Variants in RANBP3L observed in about 807,000 individuals in gnomAD.
RANBP3L encodes ran-binding protein 3-like.
RANBP3L carries 56 observed loss-of-function variants against 67.2 expected under a neutral mutation model. The observed-to-expected ratio is 0.83, with a 90% confidence interval of 0.67 to 1.04. RANBP3L has a LOEUF of 1.04. Ranked by LOEUF, RANBP3L falls within the 50% of genes least tolerant of loss-of-function variation. The pLI is 0.00. For synonymous variants in RANBP3L, 164 were observed against 181.4 expected (o/e 0.90, Z 0.77); for missense variants, 496 against 535.5 (o/e 0.93, Z 0.73).
chr5:36,277,418 C>CTA (rs1282657261), intron 1 of RANBP3L, among the ~76,000 whole-genome samples: 41 of 75,360 alleles, frequency 5.4e-4, no homozygotes, highest in Admixed American at 1.1e-3. Flanking sequence ...CTCTCTCTCT[C>CTA]TCTCTATATA....
At chr5:36,271,430 G>A (rs1750206984) in intron 1 of RANBP3L, 119 bp from the exon 2 acceptor site, 3 of 665,042 alleles carry the variant, frequency 4.5e-6, no homozygotes, top group Non-Finnish European at 8.0e-6. Context: ...TTGGGTAAAA[G>A]CCAAGCTATT....
At chr5:36,280,457 T>C (rs1445677165) in intron 1 of RANBP3L, among the ~76,000 whole-genome samples, 1 of 152,090 alleles carries the variant, frequency 6.6e-6, no homozygotes. Context: ...TGAAGAAAAA[T>C]TCTTCTCATT....
chr5:36,253,531 G>A, intron 12 of RANBP3L, 116 bp downstream of exon 12: 1 of 755,570 alleles, frequency 1.3e-6, no homozygotes, highest in South Asian at 1.8e-5. Context: ...CATAATGAAT[G>A]GCTGAGTTTT....
At chr5:36,271,348 A>G (rs754434918) in intron 1 of RANBP3L, 37 bp from the exon 2 acceptor site, 3 of 1,265,356 alleles carry the variant, frequency 2.4e-6, no homozygotes, top group Non-Finnish European at 3.4e-6. Flanking sequence ...AAATCAAAGC[A>G]TACTCTGACA....
intron 1 of RANBP3L, among the ~76,000 whole-genome samples, chr5:36,286,026 T>C (rs958928650): frequency 2.6e-5 from 4 of 152,208 alleles, no homozygotes; most frequent in African/African-American, 7.2e-5. Context: ...ACTGGCTGAC[T>C]ACACAGAATA....
intron 1 of RANBP3L, among the ~76,000 whole-genome samples, chr5:36,280,664 G>A (rs28568951): frequency 0.015 from 2,349 of 152,196 alleles, 102 homozygotes; most frequent in East Asian, 0.15. Flanking sequence ...TGATCATCAC[G>A]TGCAGTGCTA....
intron 1 of RANBP3L, among the ~76,000 whole-genome samples, chr5:36,275,020 T>G (rs368515850): frequency 1.6e-4 from 24 of 152,200 alleles, no homozygotes; most frequent in East Asian, 7.7e-4. Context: ...TGTTTTGAGA[T>G]TCATGTAGCA....
At chr5:36,297,734 T>C (rs1752327970) in intron 1 of RANBP3L, among the ~76,000 whole-genome samples, 2 of 152,146 alleles carry the variant, frequency 1.3e-5, no homozygotes, top group African/African-American at 4.8e-5. Flanking sequence ...AGCAACAAGT[T>C]GGGAGATGAG....
At chr5:36,293,387 C>T (rs1252416745) in intron 1 of RANBP3L, among the ~76,000 whole-genome samples, 5 of 140,592 alleles carry the variant, frequency 3.6e-5, no homozygotes, top group African/African-American at 5.3e-5. Flanking sequence ...ATTGAATACC[C>T]TTTATTTCCT....
intron 8 of RANBP3L, among the ~76,000 whole-genome samples, chr5:36,260,504 A>G (rs1749303244): frequency 6.6e-6 from 1 of 152,096 alleles, no homozygotes; most frequent in Non-Finnish European, 1.5e-5. Flanking sequence ...TTCCTTGGGT[A>G]CTTTTGGTTT....
chr5:36,255,692 A>T (rs116392072), intron 10 of RANBP3L, 102 bp from the exon 11 acceptor site: 1 of 653,420 alleles, frequency 1.5e-6, no homozygotes, highest in Non-Finnish European at 2.5e-6. Flanking sequence ...TCTTTTACCA[A>T]AATAATCTTT....
chr5:36,281,189 T>A (rs886629801), intron 1 of RANBP3L, among the ~76,000 whole-genome samples: 6 of 152,088 alleles, frequency 3.9e-5, no homozygotes, highest in Admixed American at 2.6e-4. Flanking sequence ...AACCCTAGAG[T>A]CCAGGTTTTC....
chr5:36,298,276 G>A (rs1752373659), intron 1 of RANBP3L, among the ~76,000 whole-genome samples: 1 of 151,216 alleles, frequency 6.6e-6, no homozygotes, highest in Non-Finnish European at 1.5e-5. Flanking sequence ...CTCCAGCCTG[G>A]GTGACAGAGT....
At chr5:36,278,062 A>G (rs1328281840) in intron 1 of RANBP3L, among the ~76,000 whole-genome samples, 1 of 152,120 alleles carries the variant, frequency 6.6e-6, no homozygotes, top group Non-Finnish European at 1.5e-5. Context: ...CTCCCACAAC[A>G]CATGGGATTT....
At chr5:36,249,807 A>G in intron 13 of RANBP3L, 110 bp from the exon 14 acceptor site, 3 of 445,650 alleles carry the variant, frequency 6.7e-6, no homozygotes, top group Non-Finnish European at 1.2e-5. Flanking sequence ...ATTGGTGATG[A>G]AATAAAAGCT....
intron 1 of RANBP3L, among the ~76,000 whole-genome samples, chr5:36,275,593 C>T (rs749957035): frequency 1.2e-4 from 18 of 151,942 alleles, no homozygotes; most frequent in Non-Finnish European, 2.5e-4. Flanking sequence ...TCAGAAATCA[C>T]AAAATAATAA....
At chr5:36,290,790 G>T (rs1751684044) in intron 1 of RANBP3L, among the ~76,000 whole-genome samples, 1 of 141,516 alleles carries the variant, frequency 7.1e-6, no homozygotes, top group Non-Finnish European at 1.5e-5. Flanking sequence ...GGAGTGCAGT[G>T]GCGCGATCTC....
intron 1 of RANBP3L, among the ~76,000 whole-genome samples, chr5:36,279,885 G>A (rs2111998465): frequency 1.3e-5 from 2 of 152,134 alleles, no homozygotes; most frequent in South Asian, 4.2e-4. Flanking sequence ...AAAAAATAAG[G>A]AAAGTTATTC....
At chr5:36,295,225 C>A (rs115840881) in intron 1 of RANBP3L, among the ~76,000 whole-genome samples, 2 of 152,038 alleles carry the variant, frequency 1.3e-5, no homozygotes, top group Admixed American at 1.3e-4. Context: ...TGAGTCCCCA[C>A]CCATATCTCA....
Sources: allele counts gnomAD v4.1 joint callset (sites outside exome capture counted in the v4.1 genomes callset), GRCh38; gene constraint gnomAD v4.1.1; transcripts MANE v1.5; gene names NCBI Gene and HGNC (gene_info 2026-07-23, HGNC 2026-07-21).